Variants in BRIP1 observed in about 807,000 individuals in gnomAD.
BRIP1 encodes the protein Fanconi anemia group J protein.
BRIP1 carries 88 observed loss-of-function variants against 119.7 expected under a neutral mutation model. That is an observed-to-expected ratio of 0.74 (90% CI 0.62 to 0.88). The LOEUF is 0.88. Among genes scored for constraint, BRIP1 ranks in the 40% least tolerant of loss-of-function variants. The pLI, the probability that BRIP1 is intolerant of heterozygous loss-of-function variation, is 0.00. For synonymous variants in BRIP1, 443 were observed against 496.5 expected, an observed-to-expected ratio of 0.89 and a Z score of 1.43; for missense variants, 1,259 against 1,455.4, an observed-to-expected ratio of 0.87 and a Z score of 2.20.
chr17:61,758,213 T>C lies in BRIP1; in HGVS notation c.2098-13622A>G, dbSNP rs2077226125. Among the ~76,000 whole-genome samples, 1 of 152,212 alleles carries C rather than the reference T, an allele frequency of 6.6e-6. No homozygotes were observed. Among genetic ancestry groups the C allele is most frequent in the South Asian group, 2.1e-4 (1 of 4,832 alleles). ...AGAACTGTTGACTGAGTTAATAATG[T>C]TGGCTAAAATCTGAATGTATAAACT... On this transcript the variant is annotated intron_variant, in intron 14 of 19. Coordinates refer to ENST00000259008, the MANE Select transcript of BRIP1 (RefSeq NM_032043.3). The surrounding 1 kb of genome is among the most constrained non-coding windows in gnomAD (Gnocchi z 5.3).
intron 17 of BRIP1, among the ~76,000 whole-genome samples, chr17:61,698,289 T>C (rs1373980702): frequency 6.6e-6 from 1 of 152,252 alleles, no homozygotes; most frequent in Non-Finnish European, 1.5e-5. Context: ...TTGTGAGTTT[T>C]CCATTTTTCC....
rs144377955 is a variant in BRIP1 at position 61,731,590 on chromosome 17, C to T, written c.2379+11423G>A. Among the ~76,000 whole-genome samples, 126 of 152,324 alleles carry T rather than the reference C, an allele frequency of 8.3e-4. 1 individual carries two copies. Among genetic ancestry groups the T allele is most frequent in the African/African-American group, 2.8e-3 (115 of 41,574 alleles). ...TGCTATCCTCTTTCAACCTTAGAACCTTAACACATGCTGTTCTCTCTGTTG... is the reference window on the plus strand; with the variant it reads ...TGCTATCCTCTTTCAACCTTAGAACTTTAACACATGCTGTTCTCTCTGTTG... On this transcript the variant is annotated intron_variant, in intron 16 of 19. Coordinates refer to ENST00000259008, the MANE Select transcript of BRIP1 (RefSeq NM_032043.3).
chr17:61,781,032 G>C lies in BRIP1; in HGVS notation c.1629-27C>G, dbSNP rs749665655. 2.5e-6 allele frequency: 4 copies of C among 1,611,612 alleles called. No homozygotes were observed. The Admixed American group carries it at 6.7e-5, about 27-fold the overall frequency. Reference sequence around the variant, plus strand: ...TAGATGCAAAGAAAGTGCTAATTAAGTGGCAAAACTTTTAAAACCTATGAC... The same window carrying C: ...TAGATGCAAAGAAAGTGCTAATTAACTGGCAAAACTTTTAAAACCTATGAC... On this transcript the variant is annotated intron_variant, in intron 11 of 19. Coordinates refer to ENST00000259008, the MANE Select transcript of BRIP1 (RefSeq NM_032043.3).
rs1255658353 is a variant in BRIP1 at position 61,815,962 on chromosome 17, G to C, written c.628-7205C>G. On this transcript the variant is annotated intron_variant, in intron 6 of 19. Coordinates refer to ENST00000259008, the MANE Select transcript of BRIP1 (RefSeq NM_032043.3). This position sits in a 1 kb window ranked among gnomAD's most constrained non-coding sequence, Gnocchi z 4.1. ...AAATCTCACATTAGCACACACTCTAGTAAGATAGCAAAAGTAACATAACTA... is the reference window on the plus strand; with the variant it reads ...AAATCTCACATTAGCACACACTCTACTAAGATAGCAAAAGTAACATAACTA... Among the ~76,000 whole-genome samples, 1 of 152,178 alleles carries C rather than the reference G, an allele frequency of 6.6e-6. No homozygotes were observed. The highest frequency in any genetic ancestry group is 2.4e-5 in the African/African-American group (1 of 41,446).
chr17:61,713,464 G>C lies in BRIP1; in HGVS notation c.2492+2487C>G, dbSNP rs1401777744. 6.6e-6 allele frequency among the ~76,000 whole-genome samples: 1 copy of C among 152,026 alleles called. No individual in the cohort carries two copies. The highest frequency in any genetic ancestry group is 1.5e-5 in the Non-Finnish European group (1 of 68,008). ...TTCAAGACATGGAGGTAGAAGACAG[G>C]GATATTAATGCTCCTGATCCTGTGT... On this transcript the variant is annotated intron_variant, in intron 17 of 19. Transcript: ENST00000259008. The surrounding 1 kb of genome is among the most constrained non-coding windows in gnomAD (Gnocchi z 4.9).
rs1049440037 is a variant in BRIP1 at position 61,687,421 on chromosome 17, G to A, written c.2576-1256C>T. ...CCAGCACTTAGCATTTTTGCCTTTA[G>A]TTACTGTTTGACCTATGCTACTGCA... On this transcript the variant is annotated intron_variant, in intron 18 of 19. Coordinates refer to ENST00000259008, the MANE Select transcript of BRIP1 (RefSeq NM_032043.3). This position sits in a 1 kb window ranked among gnomAD's most constrained non-coding sequence, Gnocchi z 5.1. Among the ~76,000 whole-genome samples, 3 of 150,988 alleles carry A rather than the reference G, an allele frequency of 2.0e-5. No individual in the cohort carries two copies. The highest frequency in any genetic ancestry group is 7.4e-5 in the African/African-American group (3 of 40,384).
rs1373833140 is a variant in BRIP1, at chr17:61,680,442, A to T, written c.*2854T>A. ...ACACTAAGATATGAATAATATGCTT[A>T]ATTTTCTCATGTAGTTTACCAATTC... is the stretch of plus-strand genomic sequence containing the variant. On this transcript the variant is annotated 3_prime_UTR_variant, in exon 20 of 20. Transcript: ENST00000259008. 6.6e-6 allele frequency among the ~76,000 whole-genome samples: 1 copy of T among 151,176 alleles called. No individual in the cohort carries two copies. Among genetic ancestry groups the T allele is most frequent in the African/African-American group, 2.4e-5 (1 of 41,048 alleles).
At chr17:61,837,287 C>T (rs1182499073) in intron 6 of BRIP1, among the ~76,000 whole-genome samples, 4 of 151,404 alleles carry the variant, frequency 2.6e-5, no homozygotes, top group African/African-American at 9.7e-5. Flanking sequence ...AAATTAAAAC[C>T]ATAAAGTAAA....
At position 61,704,257 on chromosome 17, in the gene BRIP1, G is replaced by C. The variant is rs1204792229; in HGVS notation, c.2493-10745C>G. On this transcript the variant is annotated intron_variant, in intron 17 of 19. Transcript: ENST00000259008. This position sits in a 1 kb window ranked among gnomAD's most constrained non-coding sequence, Gnocchi z 5.7. The stretch of plus-strand genomic sequence containing the variant: ...TCCCCCTTTTCCTTTTGTTTTTGTA[G>C]TCTTCATCTGGTTTGGTTGCTGGTT... Among the ~76,000 whole-genome samples the C allele has an allele frequency of 6.6e-6, 1 of 151,818 alleles. No individual in the cohort carries two copies. Among genetic ancestry groups the C allele is most frequent in the Non-Finnish European group, 1.5e-5 (1 of 67,954 alleles).
At position 61,722,039 on chromosome 17, in the gene BRIP1, TTTTTTTTTTTC is replaced by T. The variant is rs2061988999; in HGVS notation, c.2380-5987_2380-5977del. ...CCACCACGCCTAGCCAACTTTGCTT[TTTTTTTTTTTC>T]TTTTTTTTTGAGACGGAGTCTTGCT... On this transcript the variant is annotated intron_variant, in intron 16 of 19. Coordinates refer to ENST00000259008, the MANE Select transcript of BRIP1 (RefSeq NM_032043.3). The surrounding 1 kb of genome is among the most constrained non-coding windows in gnomAD (Gnocchi z 4.6). Among the ~76,000 whole-genome samples, 1 of 149,504 alleles carries T rather than the reference TTTTTTTTTTTC, an allele frequency of 6.7e-6. No individual in the cohort carries two copies. Among genetic ancestry groups the T allele is most frequent in the Non-Finnish European group, 1.5e-5 (1 of 67,070 alleles).
Position 61,793,607 on chromosome 17 carries a change from G to C in BRIP1, c.1463C>G (p.Pro488Arg), listed in dbSNP as rs1237035767. The change falls in exon 10 of 20, where the codon CCC becomes CGC. Residue 488 changes from proline (P) to arginine (R), a missense_variant. Physicochemically the swap from Pro to Arg is moderately radical, Grantham distance 103. Around this residue, in one of 3 missense-constraint regions of BRIP1, gnomAD observed 753 missense variants for 891.8 expected, o/e 0.84. Coordinates refer to ENST00000259008, the MANE Select transcript of BRIP1 (RefSeq NM_032043.3). This position sits in a 1 kb window ranked among gnomAD's most constrained non-coding sequence, Gnocchi z 5.2. ...HKMGITTATFPILQGHFSAVL... is the reference protein window; with the variant it reads ...HKMGITTATFRILQGHFSAVL... ...GAAAAAATATCTTACCTGCAAAATG[G>C]GAAAAGTAGCAGTGGTGATACCCAT... The C allele has an allele frequency of 1.2e-6, 2 of 1,605,802 alleles. No individual in the cohort carries two copies. Among genetic ancestry groups the C allele is most frequent in the South Asian group, 2.2e-5 (2 of 90,002 alleles).
intron 13 of BRIP1, among the ~76,000 whole-genome samples, chr17:61,777,028 G>GA (rs1404305915): frequency 1.3e-5 from 2 of 152,056 alleles, no homozygotes; most frequent in Non-Finnish European, 2.9e-5. Flanking sequence ...CTTAGTCATA[G>GA]AAAAAAATCA....
chr17:61,784,034 A>T (rs1490688685), intron 11 of BRIP1: 2 of 407,590 alleles, frequency 4.9e-6, no homozygotes, highest in Non-Finnish European at 8.9e-6. Flanking sequence ...GTGAGCTGTG[A>T]TCATGCAACT....
chr17:61,686,298 A>G lies in BRIP1; in HGVS notation c.2576-133T>C. The G allele has an allele frequency of 1.2e-6, 1 of 845,774 alleles. No homozygotes were observed. The highest frequency in any genetic ancestry group is 1.9e-6 in the Non-Finnish European group (1 of 522,266). 52.4% of individuals were successfully genotyped at this position (845,774 alleles called of 1,614,324 possible). ...TTGAATATACAGAATGGTTCTCCAT[A>G]TGTTTTTTCTGCAATTCAGCAATTT... On this transcript the variant is annotated intron_variant, in intron 18 of 19. Coordinates refer to ENST00000259008, the MANE Select transcript of BRIP1 (RefSeq NM_032043.3). This position sits in a 1 kb window ranked among gnomAD's most constrained non-coding sequence, Gnocchi z 5.4.
rs752044406 is a variant in BRIP1 at position 61,683,491 on chromosome 17, C to T, written c.3555G>A (p.Val1185=). 1 of 1,613,542 alleles carries T rather than the reference C, an allele frequency of 6.2e-7. No individual in the cohort carries two copies. The highest frequency in any genetic ancestry group is 8.5e-7 in the Non-Finnish European group (1 of 1,179,764). Residue 1185 remains valine, a synonymous_variant, in exon 20 of 20, where the codon GTG becomes GTA. Transcript: ENST00000259008. This position sits in a 1 kb window ranked among gnomAD's most constrained non-coding sequence, Gnocchi z 4.7. ...TIKEVDSARE[V]KAEDCIDTKL... ...TTGTATCTATGCAATCCTCAGCTTT[C>T]ACTTCTCTGGCTGAATCTACTTCTT... is the stretch of plus-strand genomic sequence containing the variant.
In BRIP1 at chr17:61,796,335, G is replaced by A. The variant is rs552671142; in HGVS notation, c.1341-2606C>T. ...TGCTCAAGAAGTTGTTCCCCAGACC[G>A]ATGTCCTGGAGAGTTTTTCCAATGT... On this transcript the variant is annotated intron_variant, in intron 9 of 19. Transcript: ENST00000259008. This position sits in a 1 kb window ranked among gnomAD's most constrained non-coding sequence, Gnocchi z 4.8. 5.8e-4 allele frequency among the ~76,000 whole-genome samples: 89 copies of A among 152,140 alleles called. No homozygotes were observed. Among genetic ancestry groups the A allele is most frequent in the African/African-American group, 2.0e-3 (85 of 41,536 alleles).
chr17:61,772,157 T>TTATATATATA (rs71150699), intron 14 of BRIP1, among the ~76,000 whole-genome samples: 7 of 76,864 alleles, frequency 9.1e-5, no homozygotes, highest in East Asian at 4.6e-4. Context: ...AAATGTGAGA[T>TTATATATATA]TATATATATA....
Position 61,724,961 on chromosome 17 carries a change from A to G in BRIP1, c.2380-8898T>C, listed in dbSNP as rs147914727. ...TTGCTGCTCCGTATCATCATAGTGT[A>G]AACACTTCTATCAGGGTATCACAAT... On this transcript the variant is annotated intron_variant, in intron 16 of 19. Transcript: ENST00000259008. This position sits in a 1 kb window ranked among gnomAD's most constrained non-coding sequence, Gnocchi z 5.1. 1.2e-4 allele frequency among the ~76,000 whole-genome samples: 18 copies of G among 152,336 alleles called. No homozygotes were observed. Among genetic ancestry groups the G allele is most frequent in the Non-Finnish European group, 2.1e-4 (14 of 68,014 alleles).
rs1018079313 is a variant in BRIP1, at chr17:61,680,266, C to T, written c.*3030G>A. 1.3e-5 allele frequency among the ~76,000 whole-genome samples: 2 copies of T among 151,282 alleles called. No individual in the cohort carries two copies. Among genetic ancestry groups the T allele is most frequent in the East Asian group, 2.0e-4 (1 of 5,086 alleles). Reference sequence around the variant, plus strand: ...ACGCAGGAGGCTGAGACATGAGAATCGCTTTAACCTGCGAGGCAGAGGTTG... The same window carrying T: ...ACGCAGGAGGCTGAGACATGAGAATTGCTTTAACCTGCGAGGCAGAGGTTG... On this transcript the variant is annotated 3_prime_UTR_variant, in exon 20 of 20. Coordinates refer to ENST00000259008, the MANE Select transcript of BRIP1 (RefSeq NM_032043.3).
Sources: allele counts gnomAD v4.1 joint callset (sites outside exome capture counted in the v4.1 genomes callset), GRCh38; gene constraint gnomAD v4.1.1; regional missense constraint gnomAD v4.1.1; non-coding constraint Gnocchi (gnomAD v3.1); transcripts MANE v1.5; gene names NCBI Gene and HGNC (gene_info 2026-07-23, HGNC 2026-07-21).